Variants in ASMTL observed in about 807,000 individuals in gnomAD.
ASMTL encodes acetylserotonin O-methyltransferase like.
ASMTL carries 57 observed loss-of-function variants against 60.3 expected under a neutral mutation model. The observed-to-expected ratio is 0.95, with a 90% CI of 0.76 to 1.18. The LOEUF (loss-of-function observed/expected upper bound fraction) is 1.18. Ranked by LOEUF, ASMTL falls within the 50% of genes most tolerant of loss-of-function variation. ASMTL has a pLI of 0.00. For missense variants in ASMTL, 981 were observed against 852.6 expected (o/e 1.15, Z -1.88); for synonymous variants, 419 against 373.0 (o/e 1.12, Z -1.42).
At chrX:1,445,478 T>C (rs1177981271) in intron 1 of ASMTL, among the ~76,000 whole-genome samples, 1 of 152,098 alleles carries the variant, frequency 6.6e-6, no homozygotes, top group Non-Finnish European at 1.5e-5. Flanking sequence ...TGACAGCAGA[T>C]GGCCCGAACA....
At chrX:1,424,574 AT>A (rs1270732784) in intron 8 of ASMTL, among the ~76,000 whole-genome samples, 15 of 151,416 alleles carry the variant, frequency 9.9e-5, no homozygotes, top group Admixed American at 8.6e-4. Context: ...CCGTCCATCC[AT>A]CCATCCAGCC....
chrX:1,430,303 T>C (rs1373756957), intron 6 of ASMTL, among the ~76,000 whole-genome samples: 2 of 152,144 alleles, frequency 1.3e-5, no homozygotes, highest in Non-Finnish European at 2.9e-5. Context: ...TGAGCCACCA[T>C]GCCTGGCCCT....
chrX:1,405,684 G>C (rs1287351992), intron 12 of ASMTL, among the ~76,000 whole-genome samples: 3 of 150,886 alleles, frequency 2.0e-5, no homozygotes, highest in Non-Finnish European at 4.4e-5. Flanking sequence ...GATGGTACAT[G>C]ATGGGCAGGT....
intron 11 of ASMTL, among the ~76,000 whole-genome samples, chrX:1,413,316 C>A (rs1408908365): frequency 1.3e-5 from 2 of 151,884 alleles, no homozygotes; most frequent in South Asian, 4.2e-4. Flanking sequence ...GAGCCGAGAT[C>A]GCGCCATCGC....
rs1241405637 is a variant in ASMTL at position 1,412,239 on chromosome X, CT to C, written c.1645+492del. The stretch of plus-strand genomic sequence containing the variant: ...CAATTCTTTTTTTGTTGTGGTTGTT[CT>C]TTTTTGACACCGAATCTCACTCCGT... On this transcript the variant is annotated intron_variant, in intron 12 of 12. Transcript: ENST00000381317. Among the ~76,000 whole-genome samples the C allele has an allele frequency of 2.0e-5, 3 of 151,230 alleles. No individual in the cohort carries two copies. The East Asian group carries it at 5.9e-4, about 30-fold the overall frequency.
At position 1,427,254 on chromosome X, in the gene ASMTL, G is replaced by A. The variant is rs767921508; in HGVS notation, c.897+480C>T. On this transcript the variant is annotated intron_variant, in intron 7 of 12. Coordinates refer to ENST00000381317, the MANE Select transcript of ASMTL (RefSeq NM_004192.4). ...AGAGGCAGGAAGGACCCTCCCCTGG[G>A]GCCTCCAGAAGGAACTGGATACATC... 2.3e-3 allele frequency among the ~76,000 whole-genome samples: 324 copies of A among 138,700 alleles called. 4 individuals carry two copies. Among genetic ancestry groups the A allele is most frequent in the African/African-American group, 8.3e-3 (308 of 37,170 alleles). 91.0% of individuals were successfully genotyped at this position (138,700 alleles called of 152,430 possible). A position where few individuals can be genotyped will look rare whatever the true frequency, so the allele number is the denominator to read the frequency against.
chrX:1,405,258 G>A (rs765311246), intron 12 of ASMTL, among the ~76,000 whole-genome samples: 1 of 141,898 alleles, frequency 7.0e-6, no homozygotes, highest in African/African-American at 2.5e-5. Context: ...GGTAGATGAT[G>A]GGTACGTAGA....
intron 12 of ASMTL, among the ~76,000 whole-genome samples, chrX:1,406,850 T>C (rs2089869811): frequency 6.6e-6 from 1 of 151,530 alleles, no homozygotes; most frequent in African/African-American, 2.4e-5. Flanking sequence ...AATGGATGGA[T>C]AGATGGGTGC....
chrX:1,414,287 CAG>C (rs1223673505), intron 11 of ASMTL, among the ~76,000 whole-genome samples: 3 of 152,158 alleles, frequency 2.0e-5, no homozygotes, highest in East Asian at 1.9e-4. Flanking sequence ...GTCTGCAGGA[CAG>C]GGAGAGGATA....
chrX:1,418,050 TCAAA>T lies in ASMTL; in HGVS notation c.1441_1444del (p.Phe481ThrfsTer89). ...GGCCAGCTCGATAATGTCTGGGAGGTCAAACACAGTCACCTGCATACGAGGGTAC... is the reference window on the plus strand; with the variant it reads ...GGCCAGCTCGATAATGTCTGGGAGGTCACAGTCACCTGCATACGAGGGTAC... On this transcript the variant is annotated frameshift_variant, in exon 11 of 13. Coordinates refer to ENST00000381317, the MANE Select transcript of ASMTL (RefSeq NM_004192.4). LOFTEE classifies it high-confidence loss of function. 1 of 1,612,402 alleles carries T rather than the reference TCAAA, an allele frequency of 6.2e-7. No homozygotes were observed. The highest frequency in any genetic ancestry group is 2.2e-5 in the East Asian group (1 of 44,804).
intron 9 of ASMTL, among the ~76,000 whole-genome samples, chrX:1,421,021 G>A (rs368097966): frequency 1.2e-4 from 18 of 151,040 alleles, no homozygotes; most frequent in Admixed American, 3.3e-4. Flanking sequence ...GGGCAGTGGC[G>A]TGATCTCAGC....
chrX:1,404,253 GGATA>G (rs1247373892), intron 12 of ASMTL, among the ~76,000 whole-genome samples: 1 of 150,978 alleles, frequency 6.6e-6, no homozygotes, highest in Non-Finnish European at 1.5e-5. Context: ...ATGAATGGAT[GGATA>G]GATGGATGCA....
intron 11 of ASMTL, among the ~76,000 whole-genome samples, chrX:1,415,181 T>C (rs370566290): frequency 9.5e-5 from 3 of 31,706 alleles, no homozygotes; most frequent in Non-Finnish European, 1.9e-4. Context: ...CCTCAGGTGA[T>C]CCACCCGCCT....
intron 6 of ASMTL, among the ~76,000 whole-genome samples, chrX:1,431,067 CATAT>C (rs1390666726): frequency 8.2e-5 from 10 of 122,628 alleles, no homozygotes; most frequent in Non-Finnish European, 1.6e-5. Context: ...ACATATTATC[CATAT>C]ATTCATATAT....
At chrX:1,422,369 G>A (rs1437676000) in intron 8 of ASMTL, among the ~76,000 whole-genome samples, 1 of 152,190 alleles carries the variant, frequency 6.6e-6, no homozygotes, top group East Asian at 1.9e-4. Flanking sequence ...GCTCCTGCCT[G>A]AGCTTCCAGC....
intron 1 of ASMTL, among the ~76,000 whole-genome samples, chrX:1,450,897 T>TGG (rs2091354743): frequency 1.8e-5 from 1 of 54,294 alleles, no homozygotes; most frequent in Non-Finnish European, 3.6e-5. Flanking sequence ...CCCATCCCTA[T>TGG]GGGTCCCGGG....
chrX:1,428,720 T>C (rs2090685704), intron 6 of ASMTL, among the ~76,000 whole-genome samples: 1 of 149,208 alleles, frequency 6.7e-6, no homozygotes, highest in Non-Finnish European at 1.5e-5. Flanking sequence ...TGCGTCATCA[T>C]TAAATCAAGC....
intron 2 of ASMTL, chrX:1,441,820 C>T (rs1347373291): frequency 4.8e-6 from 1 of 207,316 alleles, no homozygotes; most frequent in African/African-American, 2.3e-5. Context: ...GATATTATAA[C>T]ACATAGTAAT....
At chrX:1,424,864 A>ACCCC (rs2090572984) in intron 8 of ASMTL, among the ~76,000 whole-genome samples, 3 of 50,344 alleles carry the variant, frequency 6.0e-5, no homozygotes, top group Non-Finnish European at 1.4e-4. Flanking sequence ...CCACCCACCC[A>ACCCC]CCCATCCATC....
Sources: gnomAD v4.1 joint callset for allele counts (sites outside exome capture counted in the v4.1 genomes callset) on GRCh38, gnomAD v4.1.1 for gene constraint, MANE v1.5 for transcripts, NCBI Gene and HGNC (gene_info 2026-07-23, HGNC 2026-07-21) for gene names.